The following ERBB4 variants were observed in gnomAD, a reference collection of about 807,000 sequenced individuals.
ERBB4 encodes receptor tyrosine-protein kinase erbB-4.
Under a neutral mutation model 158.0 loss-of-function variants are expected in ERBB4, and 42 were observed. The observed-to-expected ratio is 0.27, with a 90% CI of 0.21 to 0.34. The LOEUF (loss-of-function observed/expected upper bound fraction) is 0.34, where lower values mean the gene tolerates loss of function less well. ERBB4 is among the 10% of genes least tolerant of loss of function. The probability of loss-of-function intolerance (pLI) is 1.00; values close to 1 mark genes in which losing one functional copy is unlikely to be tolerated. For missense variants in ERBB4, 1,333 were observed against 1,624.1 expected (o/e 0.82, Z 3.08); for synonymous variants, 583 against 558.7 (o/e 1.04, Z -0.61).
intron 1 of ERBB4, among the ~76,000 whole-genome samples, chr2:212,403,768 T>C (rs549610848): frequency 6.6e-6 from 1 of 152,122 alleles, no homozygotes; most frequent in South Asian, 2.1e-4. Flanking sequence ...AGGTACAAAG[T>C]TTCATTTATG....
At chr2:211,448,352 T>G (rs1273932408) in intron 20 of ERBB4, among the ~76,000 whole-genome samples, 1 of 152,116 alleles carries the variant, frequency 6.6e-6, no homozygotes, top group Non-Finnish European at 1.5e-5. Context: ...AAGGTGAATC[T>G]AAATCCAAAC....
At chr2:212,155,616 G>A (rs369757934) in intron 1 of ERBB4, among the ~76,000 whole-genome samples, 12 of 151,900 alleles carry the variant, frequency 7.9e-5, no homozygotes, top group African/African-American at 2.4e-4. Flanking sequence ...GTTCTTAAAC[G>A]GCGACCACAG....
intron 1 of ERBB4, among the ~76,000 whole-genome samples, chr2:212,151,158 T>A (rs2080854849): frequency 1.3e-5 from 2 of 151,894 alleles, no homozygotes; most frequent in South Asian, 4.2e-4. Flanking sequence ...TTCCCCTCAC[T>A]AAAAATATAC....
chr2:211,494,935 C>T (rs997765926), intron 20 of ERBB4, among the ~76,000 whole-genome samples: 1 of 152,028 alleles, frequency 6.6e-6, no homozygotes, highest in African/African-American at 2.4e-5. Context: ...AGGAGAAAAA[C>T]ATCTCAAAGC....
At chr2:212,379,665 T>C (rs187861903) in intron 1 of ERBB4, among the ~76,000 whole-genome samples, 1 of 151,648 alleles carries the variant, frequency 6.6e-6, no homozygotes, top group African/African-American at 2.4e-5. Flanking sequence ...GAAAAAGAAA[T>C]CAAGTGGAAA....
At chr2:212,331,075 C>CACAT (rs2088138830) in intron 1 of ERBB4, among the ~76,000 whole-genome samples, 2 of 21,298 alleles carry the variant, frequency 9.4e-5, no homozygotes, top group Non-Finnish European at 1.8e-4. Context: ...TATATATACA[C>CACAT]ATATATATAT....
intron 1 of ERBB4, among the ~76,000 whole-genome samples, chr2:212,351,359 A>C (rs1199125252): frequency 6.6e-6 from 1 of 152,110 alleles, no homozygotes; most frequent in Admixed American, 6.6e-5. Context: ...AAATAAATTT[A>C]TGTTGTTTAA....
At position 212,233,959 on chromosome 2, in the gene ERBB4, A is replaced by ATTAT. The variant is rs1302606463; in HGVS notation, c.83-109060_83-109057dup. Among the ~76,000 whole-genome samples, 7 of 113,660 alleles carry ATTAT rather than the reference A, an allele frequency of 6.2e-5. No homozygotes were observed. The East Asian group carries it at 1.5e-3, about 24-fold the overall frequency. The allele number at this position is 113,660 out of a possible 152,430, so 74.6% of individuals were successfully genotyped here. On this transcript the variant is annotated intron_variant, in intron 1 of 27. Coordinates refer to ENST00000342788, the MANE Select transcript of ERBB4 (RefSeq NM_005235.3). ...GATGTTTTTGTATATGTCTCTTTGCATTATTTATTATTATTATTATTATTA... is the reference window on the plus strand; with the variant it reads ...GATGTTTTTGTATATGTCTCTTTGCATTATTTATTTATTATTATTATTATTATTA...
intron 1 of ERBB4, among the ~76,000 whole-genome samples, chr2:212,378,403 G>A (rs1448192702): frequency 6.6e-6 from 1 of 151,824 alleles, no homozygotes; most frequent in Non-Finnish European, 1.5e-5. Context: ...AGAGATGGAG[G>A]TACTCACACT....
intron 1 of ERBB4, among the ~76,000 whole-genome samples, chr2:212,322,510 G>T (rs565505391): frequency 6.6e-6 from 1 of 150,516 alleles, no homozygotes; most frequent in Non-Finnish European, 1.5e-5. Context: ...TTATTTAAAA[G>T]ATATTTGAAT....
intron 12 of ERBB4, among the ~76,000 whole-genome samples, chr2:211,680,168 T>C (rs2072276418): frequency 1.3e-5 from 2 of 152,206 alleles, no homozygotes; most frequent in South Asian, 4.1e-4. Context: ...ATCTCTATTT[T>C]TTGTTGTTGT....
intron 1 of ERBB4, among the ~76,000 whole-genome samples, chr2:212,388,519 AGCAGCC>A (rs2090753554): frequency 1.3e-5 from 2 of 152,046 alleles, no homozygotes; most frequent in African/African-American, 4.8e-5. Context: ...AGGAAATCTG[AGCAGCC>A]AGAGCACAAA....
At chr2:212,108,324 T>A (rs1017853335) in intron 2 of ERBB4, among the ~76,000 whole-genome samples, 1 of 152,162 alleles carries the variant, frequency 6.6e-6, no homozygotes, top group East Asian at 1.9e-4. Flanking sequence ...CAGTGGAATA[T>A]CAACTAACTT....
chr2:211,542,713 C>T (rs2066842881), intron 20 of ERBB4, among the ~76,000 whole-genome samples: 1 of 151,496 alleles, frequency 6.6e-6, no homozygotes, highest in Admixed American at 6.6e-5. Context: ...TTTTAATCTC[C>T]CATTATATTT....
At chr2:211,989,534 G>C (rs2082018959) in intron 2 of ERBB4, among the ~76,000 whole-genome samples, 1 of 151,582 alleles carries the variant, frequency 6.6e-6, no homozygotes. Flanking sequence ...ATTTAAAATA[G>C]TAAAGGTAAA....
At chr2:211,401,233 G>T (rs1445483500) in intron 25 of ERBB4, among the ~76,000 whole-genome samples, 5 of 151,862 alleles carry the variant, frequency 3.3e-5, no homozygotes, top group Non-Finnish European at 5.9e-5. Flanking sequence ...TAAAATAAAT[G>T]AACTGAATGA....
At chr2:212,486,418 C>T (rs73067068) in intron 1 of ERBB4, among the ~76,000 whole-genome samples, 4,912 of 152,044 alleles carry the variant, frequency 0.032, 275 homozygotes, top group African/African-American at 0.11. Context: ...CATCTATGAG[C>T]TTTCAATATA....
chr2:211,634,989 A>T (rs1210087262), intron 16 of ERBB4, among the ~76,000 whole-genome samples: 1 of 152,124 alleles, frequency 6.6e-6, no homozygotes, highest in Non-Finnish European at 1.5e-5. Context: ...TGAATCTTGT[A>T]TGTGAATCAG....
At chr2:211,833,768 G>A (rs1021317976) in intron 3 of ERBB4, among the ~76,000 whole-genome samples, 1 of 151,944 alleles carries the variant, frequency 6.6e-6, no homozygotes, top group South Asian at 2.1e-4. Context: ...TTTCCACTGA[G>A]TCATTCTAAT....
Sources: allele counts gnomAD v4.1 joint callset (sites outside exome capture counted in the v4.1 genomes callset), GRCh38; gene constraint gnomAD v4.1.1; transcripts MANE v1.5; gene names NCBI Gene and HGNC (gene_info 2026-07-23, HGNC 2026-07-21).